The following MPDZ variants were observed in gnomAD, a reference collection of about 807,000 sequenced individuals.
MPDZ encodes multiple PDZ domain protein.
In MPDZ, 234 loss-of-function variants were observed where a neutral mutation model predicts 239.1. The observed-to-expected ratio is 0.98, with a 90% CI of 0.88 to 1.09. MPDZ has a LOEUF of 1.09. Among genes scored for constraint, MPDZ ranks in the 50% least tolerant of loss-of-function variants. MPDZ has a pLI of 0.00. For missense variants in MPDZ, 3,175 were observed against 2,510.0 expected (o/e 1.26, Z -5.66); for synonymous variants, 1,048 against 881.3 (o/e 1.19, Z -3.35).
intron 1 of MPDZ, among the ~76,000 whole-genome samples, chr9:13,252,910 T>C (rs1287629597): frequency 6.6e-6 from 1 of 152,232 alleles, no homozygotes; most frequent in Non-Finnish European, 1.5e-5. Context: ...CTATACGCCC[T>C]TGTTAAGTCA....
chr9:13,207,898 A>C (rs1441022844), intron 10 of MPDZ, among the ~76,000 whole-genome samples: 1 of 152,234 alleles, frequency 6.6e-6, no homozygotes, highest in African/African-American at 2.4e-5. Flanking sequence ...CATGTTGTTT[A>C]ATTCATAAAA....
At chr9:13,241,565 T>G (rs552773163) in intron 3 of MPDZ, among the ~76,000 whole-genome samples, 1 of 152,080 alleles carries the variant, frequency 6.6e-6, no homozygotes, top group Non-Finnish European at 1.5e-5. Flanking sequence ...TTAGAAACTA[T>G]AGGGAAAGGG....
At position 13,126,732 on chromosome 9, in the gene MPDZ, G is replaced by A; in HGVS notation, c.4505C>T (p.Thr1502Ile). The A allele has an allele frequency of 4.3e-6, 7 of 1,613,874 alleles. No homozygotes were observed. The highest frequency in any genetic ancestry group is 2.2e-5 in the East Asian group (1 of 44,866). The change falls in exon 33 of 47, where the codon ACA (threonine) becomes ATA (isoleucine). Residue 1502 changes from threonine (T) to isoleucine (I), a missense_variant. Coordinates refer to ENST00000319217, the MANE Select transcript of MPDZ (RefSeq NM_001378778.1). ...GCTCTTTATGATGACTCCACTGAGTGTATCTTCTTCGCTGATAGCAATACC... is the reference window on the plus strand; with the variant it reads ...GCTCTTTATGATGACTCCACTGAGTATATCTTCTTCGCTGATAGCAATACC... ...GLGIAISEED[T>I]LSGVIIKSLT...
chr9:13,274,961 G>A (rs1973843069), intron 1 of MPDZ, among the ~76,000 whole-genome samples: 1 of 152,074 alleles, frequency 6.6e-6, no homozygotes, highest in South Asian at 2.1e-4. Context: ...CCACAAAAAG[G>A]CCACAGAGGC....
At chr9:13,127,581 G>A (rs1180069206) in intron 32 of MPDZ, among the ~76,000 whole-genome samples, 2 of 152,148 alleles carry the variant, frequency 1.3e-5, no homozygotes, top group Non-Finnish European at 2.9e-5. Flanking sequence ...ATCTTGACAT[G>A]GTTTCTCTGA....
chr9:13,171,693 T>C (rs1156527219), intron 21 of MPDZ, among the ~76,000 whole-genome samples: 2 of 152,134 alleles, frequency 1.3e-5, no homozygotes, highest in African/African-American at 2.4e-5. Context: ...ATATTTTCAC[T>C]CTAAATTTAA....
intron 3 of MPDZ, among the ~76,000 whole-genome samples, chr9:13,242,448 C>T (rs1395455243): frequency 6.6e-6 from 1 of 151,628 alleles, no homozygotes; most frequent in East Asian, 1.9e-4. Context: ...ATGCTGGTCT[C>T]GACCTCCTGG....
intron 24 of MPDZ, 102 bp from the exon 25 acceptor site, chr9:13,150,790 A>G (rs1269473604): frequency 4.2e-6 from 3 of 721,432 alleles, no homozygotes; most frequent in African/African-American, 3.7e-5. Flanking sequence ...CACCAAAGGC[A>G]CAGAGAACAA....
intron 3 of MPDZ, among the ~76,000 whole-genome samples, chr9:13,234,497 C>T (rs1189007710): frequency 2.0e-5 from 3 of 151,990 alleles, no homozygotes; most frequent in Non-Finnish European, 4.4e-5. Context: ...TTATCAAAAT[C>T]TGTTTTATGA....
intron 23 of MPDZ, among the ~76,000 whole-genome samples, chr9:13,159,434 A>G (rs929674066): frequency 6.6e-6 from 1 of 152,146 alleles, no homozygotes; most frequent in Non-Finnish European, 1.5e-5. Flanking sequence ...GGGAGATCCT[A>G]AAAACAATGT....
At chr9:13,121,658 C>G in intron 38 of MPDZ, 81 bp downstream of exon 38, 1 of 1,429,384 alleles carries the variant, frequency 7.0e-7, no homozygotes, top group South Asian at 1.2e-5. Context: ...ATAAAAGATT[C>G]ACCTACTGCT....
At chr9:13,279,315 G>A (rs1344492905) in intron 1 of MPDZ, 85 bp downstream of exon 1, 2 of 118,652 alleles carry the variant, frequency 1.7e-5, no homozygotes, top group African/African-American at 5.7e-5. Flanking sequence ...CGAGCCCAGG[G>A]CGCCCGCGCA....
At chr9:13,195,270 A>G (rs1282088277) in intron 13 of MPDZ, among the ~76,000 whole-genome samples, 1 of 152,190 alleles carries the variant, frequency 6.6e-6, no homozygotes, top group East Asian at 1.9e-4. Flanking sequence ...CCTGGGTGAC[A>G]GAGCGAGACC....
chr9:13,111,772 T>C (rs563461205), intron 43 of MPDZ, among the ~76,000 whole-genome samples: 1 of 152,324 alleles, frequency 6.6e-6, no homozygotes, highest in Admixed American at 6.5e-5. Context: ...TTCCACAGAA[T>C]TTCAACATAT....
intron 26 of MPDZ, among the ~76,000 whole-genome samples, chr9:13,145,371 G>A (rs999471121): frequency 6.6e-6 from 1 of 151,952 alleles, no homozygotes; most frequent in Non-Finnish European, 1.5e-5. Flanking sequence ...TCTGTGAAGG[G>A]TCATACTGGT....
chr9:13,197,618 A>C (rs117390784), intron 12 of MPDZ, among the ~76,000 whole-genome samples: 18,097 of 152,092 alleles, frequency 0.12, 1,522 homozygotes, highest in Non-Finnish European at 0.17. Flanking sequence ...TGTTGGGAAC[A>C]TTCCAAATCT....
intron 27 of MPDZ, among the ~76,000 whole-genome samples, chr9:13,142,477 T>C (rs1315581278): frequency 6.6e-6 from 1 of 152,144 alleles, no homozygotes. Flanking sequence ...TATGAAAATA[T>C]AGCTCTTTAA....
chr9:13,211,949 A>C (rs1159651089), intron 10 of MPDZ, among the ~76,000 whole-genome samples: 1 of 152,154 alleles, frequency 6.6e-6, no homozygotes, highest in African/African-American at 2.4e-5. Context: ...AAATTAATGT[A>C]AAATAAATGA....
chr9:13,217,415 AG>A (rs1958494883), intron 8 of MPDZ, 121 bp from the exon 9 acceptor site: 1 of 641,128 alleles, frequency 1.6e-6, no homozygotes, highest in Non-Finnish European at 2.7e-6. Flanking sequence ...TTAATTCTCT[AG>A]CAAAGAATTA....
Sources: allele counts gnomAD v4.1 joint callset (sites outside exome capture counted in the v4.1 genomes callset), GRCh38; gene constraint gnomAD v4.1.1; transcripts MANE v1.5; gene names NCBI Gene and HGNC (gene_info 2026-07-23, HGNC 2026-07-21).